Variants in MEI4 observed in about 807,000 individuals in gnomAD.
MEI4 encodes the protein meiotic double-stranded break formation protein 4.
In MEI4, 27 loss-of-function variants were observed where a neutral mutation model predicts 31.4. The ratio of observed to expected loss-of-function variants is 0.86; its 90% CI spans 0.63 to 1.19. The LOEUF is 1.19. MEI4 is among the 50% of genes most tolerant of loss of function. The probability of loss-of-function intolerance (pLI) is 0.00; values close to 1 mark genes in which losing one functional copy is unlikely to be tolerated. For missense variants in MEI4, 329 were observed against 398.9 expected (o/e 0.82, Z 1.49); for synonymous variants, 122 against 145.4 (o/e 0.84, Z 1.16).
In MEI4 at chr6:77,740,319, A is replaced by G. The variant is rs117855769; in HGVS notation, c.233-20811A>G. Among the ~76,000 whole-genome samples, 788 of 152,292 alleles carry G rather than the reference A, an allele frequency of 5.2e-3. 7 individuals are homozygous for G. The highest frequency in any genetic ancestry group is 0.041 in the Middle Eastern group (12 of 294). ...GAGGTAGAGAGTTCTGTAGATGTCT[A>G]TCAGGTCCATTTGATCCAGTGATGA... On this transcript the variant is annotated intron_variant, in intron 2 of 4. Coordinates refer to ENST00000684080, the MANE Select transcript of MEI4 (RefSeq NM_001322247.2).
intron 3 of MEI4, among the ~76,000 whole-genome samples, chr6:77,770,189 G>A (rs1768277680): frequency 6.6e-6 from 1 of 151,922 alleles, no homozygotes; most frequent in South Asian, 2.1e-4. Flanking sequence ...CAGCTACTTT[G>A]AACAACTATA....
intron 4 of MEI4, among the ~76,000 whole-genome samples, chr6:77,856,812 C>T (rs1006044513): frequency 6.6e-6 from 1 of 152,194 alleles, no homozygotes; most frequent in Non-Finnish European, 1.5e-5. Context: ...TACCTAAGCA[C>T]TCTCATCTTA....
At chr6:77,680,834 C>T (rs1331499271) in intron 1 of MEI4, among the ~76,000 whole-genome samples, 3 of 152,086 alleles carry the variant, frequency 2.0e-5, no homozygotes, top group Non-Finnish European at 4.4e-5. Flanking sequence ...GTGTTCTCCT[C>T]AATGAAATTT....
At chr6:77,793,835 GATAA>G (rs1256478798) in intron 3 of MEI4, among the ~76,000 whole-genome samples, 4 of 151,660 alleles carry the variant, frequency 2.6e-5, no homozygotes, top group African/African-American at 9.7e-5. Context: ...CACAAGAAGA[GATAA>G]ATAAATCAAA....
At chr6:77,773,839 A>G (rs983844878) in intron 3 of MEI4, among the ~76,000 whole-genome samples, 1 of 152,106 alleles carries the variant, frequency 6.6e-6, no homozygotes, top group Non-Finnish European at 1.5e-5. Context: ...TAATAATCTG[A>G]TTTTTAAATG....
intron 1 of MEI4, among the ~76,000 whole-genome samples, chr6:77,679,771 C>T (rs1451939241): frequency 1.3e-5 from 2 of 151,778 alleles, no homozygotes; most frequent in East Asian, 4.0e-4. Context: ...AAGACAGTCT[C>T]GCTCCGTCTC....
chr6:77,681,463 G>C (rs374625912), intron 1 of MEI4, among the ~76,000 whole-genome samples: 17 of 152,192 alleles, frequency 1.1e-4, no homozygotes, highest in African/African-American at 2.9e-4. Context: ...CATGTTAATA[G>C]TACATATCTG....
intron 4 of MEI4, among the ~76,000 whole-genome samples, chr6:77,870,712 T>TG (rs35863690): frequency 0.83 from 125,596 of 152,072 alleles, 52,380 homozygotes; most frequent in East Asian, 0.95. Flanking sequence ...TCAGTGAAGC[T>TG]TGATATGCTG....
At chr6:77,667,397 T>G (rs1768659605) in intron 1 of MEI4, among the ~76,000 whole-genome samples, 1 of 152,176 alleles carries the variant, frequency 6.6e-6, no homozygotes. Context: ...TTCCCTAATT[T>G]ATCCTGTCTT....
intron 4 of MEI4, among the ~76,000 whole-genome samples, chr6:77,912,729 T>A (rs1361453367): frequency 1.3e-5 from 2 of 152,130 alleles, no homozygotes; most frequent in Non-Finnish European, 2.9e-5. Flanking sequence ...TTTTTCTAGA[T>A]AAAAGATATC....
intron 2 of MEI4, among the ~76,000 whole-genome samples, chr6:77,732,804 C>G (rs574334451): frequency 2.6e-5 from 4 of 152,164 alleles, no homozygotes; most frequent in South Asian, 2.1e-4. Flanking sequence ...TACGTCCCAT[C>G]AATACCTAAT....
intron 4 of MEI4, among the ~76,000 whole-genome samples, chr6:77,838,245 A>C (rs1010660706): frequency 6.8e-6 from 1 of 147,938 alleles, no homozygotes; most frequent in East Asian, 2.0e-4. Context: ...GTAACCAGAA[A>C]TTTTTTTTTT....
chr6:77,684,832 TAA>T (rs2127650412), intron 1 of MEI4, among the ~76,000 whole-genome samples: 1 of 152,312 alleles, frequency 6.6e-6, no homozygotes, highest in East Asian at 1.9e-4. Flanking sequence ...AATATCTCTT[TAA>T]TATACTGATT....
At chr6:77,666,111 T>C (rs1258370331) in intron 1 of MEI4, among the ~76,000 whole-genome samples, 1 of 151,734 alleles carries the variant, frequency 6.6e-6, no homozygotes. Context: ...CAGCGAAGGG[T>C]GGTGGATTAT....
intron 3 of MEI4, among the ~76,000 whole-genome samples, chr6:77,822,544 G>T (rs1769851182): frequency 6.6e-6 from 1 of 151,770 alleles, no homozygotes; most frequent in African/African-American, 2.4e-5. Flanking sequence ...ATTTGTATGA[G>T]AGTTAAATGT....
rs71774242 is a variant in MEI4 at position 77,795,766 on chromosome 6, G to GAAA, written c.769-33155_769-33153dup. ...AATAATGAATAAAGAGATTGCATTG[G>GAAA]AAAAAAAAAAAACTCCCAACAAATA... On this transcript the variant is annotated intron_variant, in intron 3 of 4. Coordinates refer to ENST00000684080, the MANE Select transcript of MEI4 (RefSeq NM_001322247.2). Among the ~76,000 whole-genome samples, 161 of 143,720 alleles carry GAAA rather than the reference G, an allele frequency of 1.1e-3. 3 individuals are homozygous for GAAA. In the East Asian group the frequency reaches 0.02, roughly 18 times the overall value. The allele number at this position is 143,720 out of a possible 152,430, so 94.3% of individuals were successfully genotyped here.
At chr6:77,702,069 A>T (rs1766238386) in intron 2 of MEI4, among the ~76,000 whole-genome samples, 1 of 152,176 alleles carries the variant, frequency 6.6e-6, no homozygotes, top group South Asian at 2.1e-4. Context: ...GCATGTATTC[A>T]GGAAACAGTT....
At chr6:77,905,221 G>A (rs997516016) in intron 4 of MEI4, among the ~76,000 whole-genome samples, 1 of 151,000 alleles carries the variant, frequency 6.6e-6, no homozygotes, top group African/African-American at 2.4e-5. Flanking sequence ...GTTTTTTCTG[G>A]GCATTTTGTA....
intron 4 of MEI4, among the ~76,000 whole-genome samples, chr6:77,911,649 C>T (rs369118553): frequency 6.6e-6 from 1 of 150,828 alleles, no homozygotes; most frequent in African/African-American, 2.4e-5. Context: ...TGATTTTGTT[C>T]TCTTTTTATA....
Sources: allele counts gnomAD v4.1 joint callset (sites outside exome capture counted in the v4.1 genomes callset), GRCh38; gene constraint gnomAD v4.1.1; transcripts MANE v1.5; gene names NCBI Gene and HGNC (gene_info 2026-07-23, HGNC 2026-07-21).